The following CNIH3 variants were observed in gnomAD, a reference collection of about 807,000 sequenced individuals.
The protein encoded by CNIH3 is cornichon family AMPA receptor auxiliary protein 3.
CNIH3 carries 14 observed loss-of-function variants against 24.1 expected under a neutral mutation model. The observed-to-expected ratio is 0.58, with a 90% confidence interval of 0.38 to 0.91. The LOEUF (loss-of-function observed/expected upper bound fraction) is 0.91. Among genes scored for constraint, CNIH3 ranks in the 40% least tolerant of loss-of-function variants. The pLI is 0.00. For missense variants in CNIH3, 178 were observed against 196.8 expected (o/e 0.90, Z 0.57); for synonymous variants, 68 against 73.8 (o/e 0.92, Z 0.40).
intron 1 of CNIH3, among the ~76,000 whole-genome samples, chr1:224,622,169 C>T (rs1231403956): frequency 1.3e-5 from 2 of 152,198 alleles, no homozygotes; most frequent in African/African-American, 4.8e-5. Flanking sequence ...AACAGTAACT[C>T]GTTTCTGATT....
chr1:224,677,802 A>G (rs1686209367), intron 1 of CNIH3, among the ~76,000 whole-genome samples: 1 of 152,092 alleles, frequency 6.6e-6, no homozygotes, highest in Admixed American at 6.5e-5. Flanking sequence ...GATTGTCCAC[A>G]ATGTGGGGGC....
chr1:224,485,654 G>A (rs1205918630), intron 1 of CNIH3, among the ~76,000 whole-genome samples: 7 of 152,056 alleles, frequency 4.6e-5, no homozygotes, highest in African/African-American at 1.4e-4. Flanking sequence ...ACAATGCCTG[G>A]CTAATTTAAA....
In CNIH3 at chr1:224,739,997, G is replaced by A. The variant is rs1024425157; in HGVS notation, c.*641G>A. Reference sequence around the variant, plus strand: ...TATAGGAAAAATGCATTTTTGAAACGTTTGCAACATGATCAAGGTGTTAGT... The same window carrying A: ...TATAGGAAAAATGCATTTTTGAAACATTTGCAACATGATCAAGGTGTTAGT... On this transcript the variant is annotated 3_prime_UTR_variant, in exon 6 of 6. Coordinates refer to ENST00000272133, the MANE Select transcript of CNIH3 (RefSeq NM_152495.2). The A allele has an allele frequency of 1.3e-5, 2 of 152,156 alleles. No individual in the cohort carries two copies. Among genetic ancestry groups the A allele is most frequent in the African/African-American group, 2.4e-5 (1 of 41,408 alleles). The allele number at this position is 152,156 out of a possible 1,614,324, so 9.4% of individuals were successfully genotyped here. A position where few individuals can be genotyped will look rare whatever the true frequency, so the allele number is the denominator to read the frequency against.
chr1:224,515,222 G>A (rs1482728970), upstream of CNIH3, among the ~76,000 whole-genome samples: 1 of 152,182 alleles, frequency 6.6e-6, no homozygotes, highest in Non-Finnish European at 1.5e-5. Flanking sequence ...CCACTCTTTA[G>A]CAGTGAAAAG....
intron 2 of CNIH3, among the ~76,000 whole-genome samples, chr1:224,526,007 C>T (rs1678829964): frequency 6.6e-6 from 1 of 152,128 alleles, no homozygotes; most frequent in Admixed American, 6.5e-5. Flanking sequence ...CTGGTGAGCT[C>T]TGCGGGGTTC....
intron 1 of CNIH3, among the ~76,000 whole-genome samples, chr1:224,466,567 T>C (rs1676160733): frequency 6.6e-6 from 1 of 152,226 alleles, no homozygotes; most frequent in Non-Finnish European, 1.5e-5. Context: ...TCAACATTCA[T>C]GTATAGATTG....
In CNIH3 at chr1:224,635,547, C is replaced by T. The variant is rs947823163; in HGVS notation, c.81+18292C>T. 1.3e-4 allele frequency among the ~76,000 whole-genome samples: 20 copies of T among 152,206 alleles called. No homozygotes were observed. In the East Asian group the frequency reaches 1.5e-3, roughly 12 times the overall value. ...AGCAACAGGGAGGAAAATAAAGTGC[C>T]GGGGGCTGTGCTAGGACAGGGATGC... On this transcript the variant is annotated intron_variant, in intron 1 of 5. Coordinates refer to ENST00000272133, the MANE Select transcript of CNIH3 (RefSeq NM_152495.2).
chr1:224,720,580 C>T (rs1688669211), intron 3 of CNIH3, among the ~76,000 whole-genome samples: 3 of 152,154 alleles, frequency 2.0e-5, no homozygotes, highest in Admixed American at 2.0e-4. Flanking sequence ...GCGGAGCTCT[C>T]AGCTGTGCTA....
intron 4 of CNIH3, among the ~76,000 whole-genome samples, chr1:224,573,555 C>T (rs971667563): frequency 6.6e-6 from 1 of 152,152 alleles, no homozygotes; most frequent in Non-Finnish European, 1.5e-5. Context: ...TTTTCTAAGG[C>T]AGAATAAGGA....
intron 1 of CNIH3, among the ~76,000 whole-genome samples, chr1:224,679,149 C>T (rs1259802135): frequency 1.3e-5 from 2 of 152,064 alleles, no homozygotes; most frequent in African/African-American, 4.8e-5. Context: ...GAAACCCCAT[C>T]TCCACTAAAA....
chr1:224,697,439 C>T (rs368228876), intron 3 of CNIH3, among the ~76,000 whole-genome samples: 59 of 152,218 alleles, frequency 3.9e-4, no homozygotes, highest in African/African-American at 1.2e-3. Flanking sequence ...TCACTCTCTC[C>T]GTTCTCCAGG....
chr1:224,612,767 C>T (rs559270241), upstream of CNIH3, among the ~76,000 whole-genome samples: 5 of 152,060 alleles, frequency 3.3e-5, no homozygotes, highest in South Asian at 2.1e-4. This position sits in a 1 kb window ranked among gnomAD's most constrained non-coding sequence, Gnocchi z 4.7. Flanking sequence ...GGATAAGAAG[C>T]GAGGACTCCG....
intron 1 of CNIH3, among the ~76,000 whole-genome samples, chr1:224,654,731 A>G (rs1685019418): frequency 6.6e-6 from 1 of 152,204 alleles, no homozygotes; most frequent in African/African-American, 2.4e-5. Flanking sequence ...CCAAAGCCAG[A>G]TAGTCTACAG....
At chr1:224,621,609 C>G (rs1341088938) in intron 1 of CNIH3, among the ~76,000 whole-genome samples, 1 of 152,180 alleles carries the variant, frequency 6.6e-6, no homozygotes, top group Non-Finnish European at 1.5e-5. Context: ...TATCTCCTCC[C>G]TCCGTCACTG....
chr1:224,725,172 T>G (rs1360317017), intron 3 of CNIH3, among the ~76,000 whole-genome samples: 1 of 152,214 alleles, frequency 6.6e-6, no homozygotes, highest in African/African-American at 2.4e-5. Context: ...ATCGTGCTAC[T>G]GCACTCCAGC....
At chr1:224,529,748 G>T (rs1318446268) in intron 2 of CNIH3, among the ~76,000 whole-genome samples, 1 of 152,202 alleles carries the variant, frequency 6.6e-6, no homozygotes, top group African/African-American at 2.4e-5. Flanking sequence ...ACTCCATGGG[G>T]AAAATGAAGA....
At chr1:224,678,084 G>A (rs1009458995) in intron 1 of CNIH3, among the ~76,000 whole-genome samples, 6 of 152,128 alleles carry the variant, frequency 3.9e-5, no homozygotes, top group African/African-American at 7.2e-5. Context: ...GGGTATTGAC[G>A]ATACTGTGTT....
intron 1 of CNIH3, among the ~76,000 whole-genome samples, chr1:224,635,789 A>G (rs1684059835): frequency 6.6e-6 from 1 of 151,406 alleles, no homozygotes; most frequent in Non-Finnish European, 1.5e-5. Flanking sequence ...CTCACCTTGA[A>G]CTCCTGGGCT....
downstream of CNIH3, among the ~76,000 whole-genome samples, chr1:224,593,143 CT>C (rs59988579): frequency 0.049 from 6,928 of 141,138 alleles, 486 homozygotes; most frequent in African/African-American, 0.15. Flanking sequence ...ACTTCCTCTT[CT>C]TTTTTTTTTT....
Sources: allele counts gnomAD v4.1 joint callset (sites outside exome capture counted in the v4.1 genomes callset), GRCh38; gene constraint gnomAD v4.1.1; non-coding constraint Gnocchi (gnomAD v3.1); transcripts MANE v1.5; gene names NCBI Gene and HGNC (gene_info 2026-07-23, HGNC 2026-07-21).